RIC3: variants seen among roughly 807,000 people sequenced by gnomAD.
RIC3 encodes the protein RIC3 acetylcholine receptor chaperone.
In RIC3, 28 loss-of-function variants were observed where a neutral mutation model predicts 27.3. The observed-to-expected ratio is 1.02, with a 90% CI of 0.76 to 1.41. The LOEUF is 1.41. Among genes scored for constraint, RIC3 ranks in the 40% most tolerant of loss-of-function variants. The pLI is 0.00. For missense variants in RIC3, 501 were observed against 444.7 expected (o/e 1.13, Z -1.14); for synonymous variants, 184 against 160.4 (o/e 1.15, Z -1.11).
At chr11:8,095,022 C>G in the RIC3 span, among the ~76,000 whole-genome samples, 10 of 152,298 alleles carry the variant, frequency 6.6e-5, no homozygotes, top group South Asian at 2.1e-3. Flanking sequence ...ATGCCAATTG[C>G]AATCTTTCTC....
intron 1 of RIC3, among the ~76,000 whole-genome samples, chr11:8,166,426 G>T (rs1208467395): frequency 1.3e-5 from 2 of 152,150 alleles, no homozygotes; most frequent in Non-Finnish European, 2.9e-5. Context: ...GGGCAAAAAT[G>T]GAAGACATAA....
At chr11:8,145,041 G>GA (rs1949522807) in intron 1 of RIC3, among the ~76,000 whole-genome samples, 1 of 85,960 alleles carries the variant, frequency 1.2e-5, no homozygotes, top group African/African-American at 4.6e-5. Context: ...GGGGTGGGGG[G>GA]AGGGGGGAGG....
At chr11:8,162,227 C>A (rs1007516242) in intron 1 of RIC3, among the ~76,000 whole-genome samples, 1 of 152,242 alleles carries the variant, frequency 6.6e-6, no homozygotes, top group Non-Finnish European at 1.5e-5. Context: ...AACCATACTG[C>A]AAGACATTTC....
the RIC3 span, chr11:8,100,830 A>T: frequency 1.2e-6 from 2 of 1,613,884 alleles, no homozygotes; most frequent in African/African-American, 2.7e-5. Flanking sequence ...TCCCAGGAGC[A>T]TGAGACACTG....
chr11:8,121,629 T>A (rs1240436851), intron 5 of RIC3, among the ~76,000 whole-genome samples: 2 of 152,040 alleles, frequency 1.3e-5, no homozygotes, highest in South Asian at 4.2e-4. Context: ...GGCACGAGAA[T>A]CACTTGAACC....
chr11:8,119,177 C>T (rs559606607), intron 5 of RIC3, among the ~76,000 whole-genome samples: 84 of 152,236 alleles, frequency 5.5e-4, no homozygotes, highest in African/African-American at 1.8e-3. Flanking sequence ...TCGCTAAATG[C>T]TTGGCAAAAA....
the RIC3 span, chr11:8,094,019 C>T: frequency 1.2e-6 from 2 of 1,614,072 alleles, no homozygotes; most frequent in African/African-American, 1.3e-5. Context: ...GTTTCTCTCT[C>T]TCCATCTGGG....
At chr11:8,164,321 G>A (rs1460596073) in intron 1 of RIC3, among the ~76,000 whole-genome samples, 1 of 152,174 alleles carries the variant, frequency 6.6e-6, no homozygotes, top group African/African-American at 2.4e-5. Context: ...GAAAAAAGTA[G>A]ATAAATTGGA....
intron 2 of RIC3, chr11:8,139,177 T>C (rs1249616746): frequency 6.6e-6 from 1 of 152,304 alleles, no homozygotes; most frequent in African/African-American, 2.4e-5. Flanking sequence ...CATGCTCATC[T>C]AAAAGGGATG....
rs545919196 is a variant in RIC3 at position 8,138,246 on chromosome 11, T to C, written c.427+26A>G. The C allele has an allele frequency of 4.0e-6, 6 of 1,512,830 alleles. No homozygotes were observed. The Admixed American group carries it at 5.0e-5, about 13-fold the overall frequency. 93.7% of individuals were successfully genotyped at this position (1,512,830 alleles called of 1,614,324 possible). On this transcript the variant is annotated intron_variant, in intron 3 of 5. Transcript: ENST00000309737. Reference sequence around the variant, plus strand: ...AAACTGTTTGACTCAATAATACCTGTGAATATACTGAGAAGGGGCACTTAC... The same window carrying C: ...AAACTGTTTGACTCAATAATACCTGCGAATATACTGAGAAGGGGCACTTAC...
At chr11:8,096,328 A>G in the RIC3 span, among the ~76,000 whole-genome samples, 1 of 152,188 alleles carries the variant, frequency 6.6e-6, no homozygotes, top group Non-Finnish European at 1.5e-5. Flanking sequence ...GGAGATTCCC[A>G]GTTCAAGGTG....
intron 5 of RIC3, among the ~76,000 whole-genome samples, chr11:8,120,491 C>G (rs1946313910): frequency 6.6e-6 from 1 of 152,088 alleles, no homozygotes; most frequent in South Asian, 2.1e-4. Context: ...ATCACTTGGA[C>G]ACAGGGTGAG....
rs1022724037 is a variant in RIC3 at position 8,109,084 on chromosome 11, T to C, written c.*1614A>G. Reference sequence around the variant, plus strand: ...AGAGATAGATGCAATATGCTTTCTATAAACTCAGTCTTGAATGACTTTCTG... The same window carrying C: ...AGAGATAGATGCAATATGCTTTCTACAAACTCAGTCTTGAATGACTTTCTG... On this transcript the variant is annotated 3_prime_UTR_variant, in exon 6 of 6. Transcript: ENST00000309737. 2.0e-5 allele frequency: 3 copies of C among 152,262 alleles called. No homozygotes were observed. Among genetic ancestry groups the C allele is most frequent in the African/African-American group, 7.2e-5 (3 of 41,464 alleles). The allele number at this position is 152,262 out of a possible 1,614,324, so 9.4% of individuals were successfully genotyped here. A position where few individuals can be genotyped will look rare whatever the true frequency, so the allele number is the denominator to read the frequency against.
intron 1 of RIC3, 96 bp downstream of exon 1, chr11:8,168,770 T>C: frequency 1.3e-6 from 2 of 1,482,790 alleles, no homozygotes; most frequent in Non-Finnish European, 1.8e-6. Context: ...GATATTTCGG[T>C]GAAGGCTGCA....
intron 1 of RIC3, among the ~76,000 whole-genome samples, chr11:8,162,629 CTTTTTTTTT>C (rs757717970): frequency 8.4e-5 from 7 of 83,736 alleles, no homozygotes; most frequent in African/African-American, 2.7e-4. Flanking sequence ...CATGCTTCTT[CTTTTTTTTT>C]TTTTTTTTTT....
chr11:8,130,584 G>GT (rs1215952220), intron 4 of RIC3, among the ~76,000 whole-genome samples: 2 of 151,896 alleles, frequency 1.3e-5, no homozygotes, highest in African/African-American at 4.8e-5. Context: ...CTTCCATTAG[G>GT]TCCCCTTAAC....
chr11:8,164,047 A>G (rs1951444058), intron 1 of RIC3, among the ~76,000 whole-genome samples: 1 of 152,216 alleles, frequency 6.6e-6, no homozygotes, highest in Admixed American at 6.5e-5. Flanking sequence ...AAACTCTTAC[A>G]TTTAGAGTCA....
intron 4 of RIC3, chr11:8,128,140 G>C: frequency 2.2e-6 from 1 of 455,854 alleles, no homozygotes; most frequent in East Asian, 7.0e-5. Context: ...CTGCTCGTGT[G>C]TCCCACATAA....
intron 1 of RIC3, among the ~76,000 whole-genome samples, chr11:8,160,426 T>C (rs985569924): frequency 6.6e-6 from 1 of 152,214 alleles, no homozygotes; most frequent in East Asian, 1.9e-4. Context: ...GGTAAGCAGA[T>C]ACATTGAATG....
Sources: gnomAD v4.1 joint callset for allele counts (sites outside exome capture counted in the v4.1 genomes callset) on GRCh38, gnomAD v4.1.1 for gene constraint, MANE v1.5 for transcripts, NCBI Gene and HGNC (gene_info 2026-07-23, HGNC 2026-07-21) for gene names.